The following ULK1 variants were observed in gnomAD, a reference collection of about 807,000 sequenced individuals.
ULK1 encodes the protein unc-51 like autophagy activating kinase 1.
Under a neutral mutation model 117.5 loss-of-function variants are expected in ULK1, and 48 were observed. The ratio of observed to expected loss-of-function variants is 0.41; its 90% confidence interval spans 0.32 to 0.52. The LOEUF is 0.52. Among genes scored for constraint, ULK1 ranks in the 20% least tolerant of loss-of-function variants. The probability of loss-of-function intolerance (pLI) is 0.29; values close to 1 mark genes in which losing one functional copy is unlikely to be tolerated. For missense variants in ULK1, 1,387 were observed against 1,473.4 expected (o/e 0.94, Z 0.96); for synonymous variants, 790 against 637.8 (o/e 1.24, Z -3.60).
At position 131,915,998 on chromosome 12, in the gene ULK1, C is replaced by G. The variant is rs750862562; in HGVS notation, c.1717C>G (p.Pro573Ala). 4 of 1,612,156 alleles carry G rather than the reference C, an allele frequency of 2.5e-6. No homozygotes were observed. Among genetic ancestry groups the G allele is most frequent in the Non-Finnish European group, 3.4e-6 (4 of 1,179,708 alleles). Reference protein sequence around the residue: ...LHVVRPKLPKPPTDPLGAVFS... With the variant: ...LHVVRPKLPKAPTDPLGAVFS... The stretch of plus-strand genomic sequence containing the variant: ...CGTCGTCCGCCCCAAGCTGCCCAAA[C>G]CCCCCACGGACCCCCTGGGAGCTGT... Residue 573 changes from proline to alanine, a missense_variant, in exon 19 of 28, where the codon CCC becomes GCC. Coordinates refer to ENST00000321867, the MANE Select transcript of ULK1 (RefSeq NM_003565.4).
chr12:131,915,559 T>TC (rs1269429390), intron 18 of ULK1, 138 bp downstream of exon 18: 1 of 1,107,792 alleles, frequency 9.0e-7, no homozygotes, highest in East Asian at 2.6e-5. Context: ...CAACTGCCTC[T>TC]CCACCTCCTG....
At position 131,923,096 on chromosome 12, in the gene ULK1, C is replaced by T. The variant is rs1241229347; in HGVS notation, c.*1735C>T. 1 of 152,210 alleles carries T rather than the reference C, an allele frequency of 6.6e-6. No individual in the cohort carries two copies. Among genetic ancestry groups the T allele is most frequent in the Non-Finnish European group, 1.5e-5 (1 of 68,038 alleles). The allele number at this position is 152,210 out of a possible 1,614,324, so 9.4% of individuals were successfully genotyped here. A position where few individuals can be genotyped will look rare whatever the true frequency, so the allele number is the denominator to read the frequency against. On this transcript the variant is annotated 3_prime_UTR_variant, in exon 28 of 28. Transcript: ENST00000321867. ...AAGCGAATTTTGTGTGATTTCCTGC[C>T]CTTTGCGTTATATTGTATAATACCA...
chr12:131,913,213 A>G lies in ULK1; in HGVS notation c.1112A>G (p.Glu371Gly). The stretch of plus-strand genomic sequence containing the variant: ...CCCCCTGCAGGTGACCTGGTGGCTG[A>G]GGCGCCCAGTGCCAAACCCCCGCCA... Reference protein sequence around the residue: ...PAQFPGDLVAEAPSAKPPPDS... With the variant: ...PAQFPGDLVAGAPSAKPPPDS... The change falls in exon 14 of 28, where the codon GAG becomes GGG. Residue 371 changes from glutamate to glycine, a missense_variant. Physicochemically the swap from Glu to Gly is moderately conservative, Grantham distance 98. Transcript: ENST00000321867. 1 of 1,587,378 alleles carries G rather than the reference A, an allele frequency of 6.3e-7. No homozygotes were observed. The highest frequency in any genetic ancestry group is 8.6e-7 in the Non-Finnish European group (1 of 1,169,526).
rs766174578 is a variant in ULK1 at position 131,895,085 on chromosome 12, G to A, written c.84G>A (p.Ala28=). 7 of 1,573,468 alleles carry A rather than the reference G, an allele frequency of 4.4e-6. No homozygotes were observed. Among genetic ancestry groups the A allele is most frequent in the South Asian group, 1.2e-5 (1 of 86,890 alleles). ...ACCTGATCGGCCACGGCGCCTTCGC[G>A]GTGGTCTTCAAGGGCCGCCACCGCG... The part of the protein sequence containing the change: ...RKDLIGHGAF[A]VVFKGRHREK... Residue 28 remains alanine (A), a synonymous_variant, in exon 1 of 28, where the codon GCG becomes GCA. Transcript: ENST00000321867.
At chr12:131,909,725 G>T in intron 8 of ULK1, 50 bp from the exon 9 acceptor site, 1 of 1,519,948 alleles carries the variant, frequency 6.6e-7, no homozygotes. Context: ...CCCGTGGGCT[G>T]GTCCCGCTCG....
intron 3 of ULK1, among the ~76,000 whole-genome samples, chr12:131,904,291 C>T (rs1410162663): frequency 1.3e-5 from 2 of 152,178 alleles, no homozygotes; most frequent in Non-Finnish European, 2.9e-5. Flanking sequence ...GGACTACAGG[C>T]GTGCACTGTC....
chr12:131,906,748 A>G, intron 3 of ULK1, 144 bp from the exon 4 acceptor site: 5 of 958,030 alleles, frequency 5.2e-6, no homozygotes, highest in Non-Finnish European at 8.2e-6. Flanking sequence ...TGGCCCAGAG[A>G]TGTCCTCGTC....
intron 25 of ULK1, 74 bp downstream of exon 25, chr12:131,919,664 G>A (rs1001201687): frequency 2.8e-5 from 43 of 1,532,760 alleles, no homozygotes; most frequent in Non-Finnish European, 3.8e-5. Flanking sequence ...TGGGTGACAG[G>A]GTAACAGGGA....
chr12:131,907,643 A>G (rs1355597610), intron 5 of ULK1, 112 bp downstream of exon 5: 14 of 1,302,330 alleles, frequency 1.1e-5, no homozygotes, highest in African/African-American at 1.0e-4. Flanking sequence ...TCCTTGGCTC[A>G]TTGTGAGATT....
At chr12:131,905,149 G>A (rs892513591) in intron 3 of ULK1, among the ~76,000 whole-genome samples, 1 of 152,160 alleles carries the variant, frequency 6.6e-6, no homozygotes, top group Non-Finnish European at 1.5e-5. Flanking sequence ...CAGTGTCTGT[G>A]GATCCTGGGG....
intron 15 of ULK1, 70 bp from the exon 16 acceptor site, chr12:131,914,282 C>T (rs1889674316): frequency 1.9e-6 from 3 of 1,574,322 alleles, no homozygotes; most frequent in African/African-American, 1.3e-5. Context: ...TCTTCTGGTG[C>T]CCCAGCTCCA....
At chr12:131,918,473 C>A in intron 22 of ULK1, 24 bp from the exon 23 acceptor site, 1 of 1,600,674 alleles carries the variant, frequency 6.2e-7, no homozygotes, top group Non-Finnish European at 8.5e-7. Context: ...TCCTGGTGTG[C>A]CCCTCATCGC....
chr12:131,909,958 C>A lies in ULK1; in HGVS notation c.765C>A (p.Leu255=). 1 of 1,612,142 alleles carries A rather than the reference C, an allele frequency of 6.2e-7. No homozygotes were observed. The highest frequency in any genetic ancestry group is 8.5e-7 in the Non-Finnish European group (1 of 1,179,850). The part of the protein sequence containing the change: ...RETSAPLRQL[L]LALLQRNHKD... ...CCTCGGCCCCGCTGCGGCAGCTGCT[C>A]CTGGCCCTACTGCAACGCAACCACA... The change falls in exon 10 of 28, where the codon CTC becomes CTA. Residue 255 remains leucine, a synonymous_variant. Transcript: ENST00000321867.
intron 20 of ULK1, 82 bp downstream of exon 20, chr12:131,916,673 G>A: frequency 7.1e-7 from 1 of 1,404,816 alleles, no homozygotes; most frequent in Non-Finnish European, 9.3e-7. Flanking sequence ...TACTTCTGGG[G>A]GGTAGAACAG....
intron 3 of ULK1, among the ~76,000 whole-genome samples, chr12:131,899,947 G>A (rs1052725818): frequency 1.3e-5 from 2 of 151,968 alleles, no homozygotes; most frequent in Non-Finnish European, 1.5e-5. Flanking sequence ...GTGAAACCTC[G>A]CCTCTATTAA....
rs368252107 is a variant in ULK1, at chr12:131,895,759, A to C, written c.205-24A>C. 36 of 1,613,800 alleles carry C rather than the reference A, an allele frequency of 2.2e-5. No individual in the cohort carries two copies. The African/African-American group carries it at 4.4e-4, about 20-fold the overall frequency. On this transcript the variant is annotated intron_variant, in intron 2 of 27. Transcript: ENST00000321867. ...GGCAAGCCCCCCTCCCCACACTGAT[A>C]ACAAACTTGGGTTTCTGTCCTAGGA...
chr12:131,909,934 C>G lies in ULK1; in HGVS notation c.741C>G (p.Thr247=), dbSNP rs892453657. ...KTLVPTIPRE[T]SAPLRQLLLA... is the part of the protein sequence containing the mutation. ...CTTGCCCCAGCATCCCCCGGGAGAC[C>G]TCGGCCCCGCTGCGGCAGCTGCTCC... Residue 247 remains threonine, a synonymous_variant, in exon 10 of 28, where the codon ACC becomes ACG. Coordinates refer to ENST00000321867, the MANE Select transcript of ULK1 (RefSeq NM_003565.4). 29 of 1,611,936 alleles carry G rather than the reference C, an allele frequency of 1.8e-5. No individual in the cohort carries two copies. In the African/African-American group the frequency reaches 3.7e-4, roughly 21 times the overall value.
rs190950769 is a variant in ULK1, at chr12:131,911,981, T to G, written c.988T>G (p.Ser330Ala). The change falls in exon 13 of 28, where the codon TCC (serine) becomes GCC (alanine). Residue 330 changes from serine to alanine, a missense_variant. Around this residue, in one of 4 missense-constraint regions of ULK1, gnomAD observed 260 missense variants for 271.6 expected, o/e 0.96. Transcript: ENST00000321867. ...EMQQLQKTLA[S>A]PADTAGFLHS... ...GCAGCAGCTGCAGAAGACCCTGGCC[T>G]CCCCGGCTGACACCGCTGGCTTCCT... The G allele has an allele frequency of 1.2e-4, 188 of 1,612,826 alleles. No homozygotes were observed. In the East Asian group the frequency reaches 3.7e-3, roughly 31 times the overall value.
Position 131,902,479 on chromosome 12 carries a change from G to A in ULK1, c.247-4413G>A, listed in dbSNP as rs1271562415. Among the ~76,000 whole-genome samples, 1 of 152,212 alleles carries A rather than the reference G, an allele frequency of 6.6e-6. No homozygotes were observed. Among genetic ancestry groups the A allele is most frequent in the African/African-American group, 2.4e-5 (1 of 41,448 alleles). The stretch of plus-strand genomic sequence containing the variant: ...GGCCGTGGGTGCGTGTGTGCAGGGT[G>A]TGGGGGCCGGCCTGCCTGGGGAGTG... On this transcript the variant is annotated intron_variant, in intron 3 of 27. Coordinates refer to ENST00000321867, the MANE Select transcript of ULK1 (RefSeq NM_003565.4). The surrounding 1 kb of genome is among the most constrained non-coding windows in gnomAD (Gnocchi z 6.3).
Sources: allele counts gnomAD v4.1 joint callset (sites outside exome capture counted in the v4.1 genomes callset), GRCh38; gene constraint gnomAD v4.1.1; regional missense constraint gnomAD v4.1.1; non-coding constraint Gnocchi (gnomAD v3.1); transcripts MANE v1.5; gene names NCBI Gene and HGNC (gene_info 2026-07-23, HGNC 2026-07-21).